LINGO2: variants seen among roughly 807,000 people sequenced by gnomAD.
The protein encoded by LINGO2 is leucine-rich repeat and immunoglobulin-like domain-containing nogo receptor-interacting protein 2.
Under a neutral mutation model 30.6 loss-of-function variants are expected in LINGO2, and 14 were observed. The observed-to-expected ratio is 0.46, with a 90% CI of 0.30 to 0.72. The LOEUF is 0.72. Ranked by LOEUF, LINGO2 falls within the 30% of genes least tolerant of loss-of-function variation. The pLI, the probability that LINGO2 is intolerant of heterozygous loss-of-function variation, is 0.07. For synonymous variants in LINGO2, 317 were observed against 288.5 expected, an observed-to-expected ratio of 1.10 and a Z score of -1.00; for missense variants, 729 against 751.7, an observed-to-expected ratio of 0.97 and a Z score of 0.35.
chr9:28,156,570 T>G (rs1301908257), intron 4 of LINGO2, among the ~76,000 whole-genome samples: 2 of 152,240 alleles, frequency 1.3e-5, no homozygotes, highest in African/African-American at 4.8e-5. Flanking sequence ...CAATAATTGA[T>G]GTATGCTTTT....
intron 5 of LINGO2, among the ~76,000 whole-genome samples, chr9:27,961,549 T>C (rs758048798): frequency 1.3e-5 from 2 of 152,122 alleles, no homozygotes; most frequent in Non-Finnish European, 2.9e-5. Flanking sequence ...AGAGGAATGA[T>C]TTACAAGGGG....
At chr9:29,081,610 G>C in the LINGO2 span, among the ~76,000 whole-genome samples, 1 of 152,010 alleles carries the variant, frequency 6.6e-6, no homozygotes, top group African/African-American at 2.4e-5. Flanking sequence ...GGAAATAAAG[G>C]GTATTCAATT....
chr9:28,910,219 C>G, the LINGO2 span, among the ~76,000 whole-genome samples: 2 of 151,856 alleles, frequency 1.3e-5, no homozygotes, highest in Non-Finnish European at 2.9e-5. Flanking sequence ...AAATGTTGAT[C>G]TCTTGGGGCA....
At chr9:29,174,464 G>C in the LINGO2 span, among the ~76,000 whole-genome samples, 1 of 152,174 alleles carries the variant, frequency 6.6e-6, no homozygotes, top group Non-Finnish European at 1.5e-5. Flanking sequence ...ATAACTCTAT[G>C]AATAGCATTT....
At chr9:28,559,250 T>C (rs1007728979) in intron 1 of LINGO2, among the ~76,000 whole-genome samples, 5 of 152,180 alleles carry the variant, frequency 3.3e-5, no homozygotes, top group Non-Finnish European at 5.9e-5. Flanking sequence ...GTTTTCAATT[T>C]ACAACTGTGG....
chr9:27,976,149 G>A (rs1201539615), intron 5 of LINGO2, among the ~76,000 whole-genome samples: 1 of 152,084 alleles, frequency 6.6e-6, no homozygotes, highest in Admixed American at 6.6e-5. Context: ...ATTGTTGCAG[G>A]CTTAAACAAG....
chr9:28,396,134 G>A (rs16912836), intron 2 of LINGO2, among the ~76,000 whole-genome samples: 1,735 of 152,214 alleles, frequency 0.011, 35 homozygotes, highest in African/African-American at 0.04. Flanking sequence ...CCCACGAAAT[G>A]TAGAAGATTG....
intron 4 of LINGO2, among the ~76,000 whole-genome samples, chr9:28,091,495 C>T (rs1826084641): frequency 6.6e-6 from 1 of 152,154 alleles, no homozygotes; most frequent in African/African-American, 2.4e-5. Context: ...ACTGGCTAGC[C>T]ATATGCAGAA....
At chr9:28,906,920 T>C in the LINGO2 span, among the ~76,000 whole-genome samples, 3 of 151,950 alleles carry the variant, frequency 2.0e-5, no homozygotes, top group Non-Finnish European at 4.4e-5. Flanking sequence ...AGTTCTGTCA[T>C]ATTTGTTTTC....
chr9:28,118,465 C>T (rs899485066), intron 4 of LINGO2, among the ~76,000 whole-genome samples: 1 of 152,110 alleles, frequency 6.6e-6, no homozygotes, highest in African/African-American at 2.4e-5. Context: ...AAGGAGAAGG[C>T]AGTGCTTCTA....
At chr9:29,076,703 G>A in the LINGO2 span, among the ~76,000 whole-genome samples, 1 of 150,888 alleles carries the variant, frequency 6.6e-6, no homozygotes, top group African/African-American at 2.4e-5. Flanking sequence ...GTAAGGGACA[G>A]GGTTAGGATT....
intron 4 of LINGO2, among the ~76,000 whole-genome samples, chr9:28,092,065 T>C (rs957783432): frequency 6.6e-6 from 1 of 152,232 alleles, no homozygotes; most frequent in African/African-American, 2.4e-5. Context: ...GGAGAGAATG[T>C]GAAGAAACAG....
At chr9:28,174,063 CA>C (rs1304237856) in intron 4 of LINGO2, among the ~76,000 whole-genome samples, 2 of 152,100 alleles carry the variant, frequency 1.3e-5, no homozygotes, top group African/African-American at 2.4e-5. Flanking sequence ...TCTAAGATAT[CA>C]ATGTGGATGC....
At chr9:28,220,030 T>C (rs1009286425) in intron 4 of LINGO2, among the ~76,000 whole-genome samples, 1 of 152,184 alleles carries the variant, frequency 6.6e-6, no homozygotes, top group Non-Finnish European at 1.5e-5. Context: ...CTGGTCATTA[T>C]TATTCCATAC....
At chr9:28,401,434 G>C (rs1440085201) in intron 2 of LINGO2, among the ~76,000 whole-genome samples, 2 of 152,100 alleles carry the variant, frequency 1.3e-5, no homozygotes, top group African/African-American at 2.4e-5. Flanking sequence ...ATGGCTTCCA[G>C]CTTCATCCAT....
At chr9:28,619,423 C>T (rs1826290736) in intron 1 of LINGO2, among the ~76,000 whole-genome samples, 1 of 152,064 alleles carries the variant, frequency 6.6e-6, no homozygotes, top group South Asian at 2.1e-4. Context: ...CAGATAACCA[C>T]CTATATATGC....
chr9:28,884,824 T>A, the LINGO2 span, among the ~76,000 whole-genome samples: 1 of 142,294 alleles, frequency 7.0e-6, no homozygotes, highest in Non-Finnish European at 1.5e-5. Flanking sequence ...ATATATATAT[T>A]TCTTTAGCAA....
the LINGO2 span, among the ~76,000 whole-genome samples, chr9:29,000,015 A>C: frequency 6.6e-6 from 1 of 151,996 alleles, no homozygotes; most frequent in African/African-American, 2.4e-5. Context: ...CATGTCATAC[A>C]TATTTCATTT....
chr9:28,942,729 T>G, the LINGO2 span, among the ~76,000 whole-genome samples: 99 of 152,320 alleles, frequency 6.5e-4, 1 homozygote, highest in Middle Eastern at 0.014. Context: ...AAAGTTTTTT[T>G]GGGAGGGTTT....
Sources: gnomAD v4.1 joint callset for allele counts (sites outside exome capture counted in the v4.1 genomes callset) on GRCh38, gnomAD v4.1.1 for gene constraint, MANE v1.5 for transcripts, NCBI Gene and HGNC (gene_info 2026-07-23, HGNC 2026-07-21) for gene names.